ENTREP2: variants seen among roughly 807,000 people sequenced by gnomAD.
ENTREP2 encodes endosomal transmembrane epsin interactor 2, also known as protein ENTREP2.
chr15:29,213,850 A>T, the ENTREP2 span, among the ~76,000 whole-genome samples: 1 of 152,238 alleles, frequency 6.6e-6, no homozygotes, highest in Admixed American at 6.5e-5. Context: ...TTTACAAGAA[A>T]AAAACAACCC....
the ENTREP2 span, among the ~76,000 whole-genome samples, chr15:29,565,697 C>T: frequency 6.6e-6 from 1 of 152,140 alleles, no homozygotes; most frequent in African/African-American, 2.4e-5. Flanking sequence ...GGTGCGGTGG[C>T]TCACGCCTGT....
chr15:29,630,452 T>C, the ENTREP2 span, among the ~76,000 whole-genome samples: 1 of 152,176 alleles, frequency 6.6e-6, no homozygotes, highest in African/African-American at 2.4e-5. Context: ...TGTATCTTGA[T>C]GTGGATTCTT....
chr15:29,190,097 T>C, the ENTREP2 span, among the ~76,000 whole-genome samples: 1 of 152,152 alleles, frequency 6.6e-6, no homozygotes, highest in African/African-American at 2.4e-5. Flanking sequence ...GTCCCTGCCC[T>C]CCACCAGGAC....
chr15:29,252,403 C>T, the ENTREP2 span: 1 of 1,551,118 alleles, frequency 6.4e-7, no homozygotes, highest in Non-Finnish European at 8.7e-7. Context: ...ACTAGCTGAG[C>T]ATTCTGACAA....
At chr15:29,549,433 C>T in the ENTREP2 span, among the ~76,000 whole-genome samples, 2 of 152,084 alleles carry the variant, frequency 1.3e-5, no homozygotes. Flanking sequence ...CCACACCTGG[C>T]TAATTTTTTT....
the ENTREP2 span, among the ~76,000 whole-genome samples, chr15:29,210,716 C>T: frequency 1.3e-5 from 2 of 152,104 alleles, no homozygotes; most frequent in African/African-American, 4.8e-5. Context: ...GCCCTAGATC[C>T]CTCTGAGCTT....
chr15:29,120,454 G>C, the ENTREP2 span: 1 of 152,238 alleles, frequency 6.6e-6, no homozygotes, highest in Non-Finnish European at 1.5e-5. Context: ...CTGTGGCCTG[G>C]TGTGTTACAA....
chr15:29,522,832 C>T, the ENTREP2 span, among the ~76,000 whole-genome samples: 1 of 152,074 alleles, frequency 6.6e-6, no homozygotes, highest in South Asian at 2.1e-4. Flanking sequence ...TCTTTAGCCT[C>T]GGGGCATTTG....
chr15:29,391,431 G>A, the ENTREP2 span, among the ~76,000 whole-genome samples: 1 of 151,968 alleles, frequency 6.6e-6, no homozygotes, highest in African/African-American at 2.4e-5. Context: ...TTCTCAAGCA[G>A]AAGCAAAACT....
chr15:29,526,696 C>T, the ENTREP2 span, among the ~76,000 whole-genome samples: 1 of 151,894 alleles, frequency 6.6e-6, no homozygotes, highest in Non-Finnish European at 1.5e-5. Context: ...TCTCAAACTC[C>T]TGGGCCATAG....
At chr15:29,157,437 C>A in the ENTREP2 span, among the ~76,000 whole-genome samples, 2 of 152,218 alleles carry the variant, frequency 1.3e-5, no homozygotes, top group South Asian at 4.1e-4. Context: ...CAAAGATACA[C>A]CTCAGCATAG....
At chr15:29,326,021 G>A in the ENTREP2 span, among the ~76,000 whole-genome samples, 6 of 152,080 alleles carry the variant, frequency 3.9e-5, no homozygotes, top group South Asian at 2.1e-4. Context: ...AAATGCATCT[G>A]GCAAAATCTA....
At chr15:29,577,119 TA>T in the ENTREP2 span, among the ~76,000 whole-genome samples, 106 of 144,396 alleles carry the variant, frequency 7.3e-4, no homozygotes, top group East Asian at 1.0e-3. Context: ...CTATATTATT[TA>T]AAAAAAAAAA....
chr15:29,477,817 G>A, the ENTREP2 span, among the ~76,000 whole-genome samples: 7 of 151,772 alleles, frequency 4.6e-5, no homozygotes, highest in Non-Finnish European at 8.8e-5. Context: ...GCGTTCCCGA[G>A]GTGCACGTGG....
the ENTREP2 span, among the ~76,000 whole-genome samples, chr15:29,356,393 G>A: frequency 7.2e-6 from 1 of 139,348 alleles, no homozygotes; most frequent in Non-Finnish European, 1.5e-5. Flanking sequence ...TGCAGGCTCT[G>A]CCTCCTGGGT....
chr15:29,395,891 T>C, the ENTREP2 span, among the ~76,000 whole-genome samples: 2 of 152,308 alleles, frequency 1.3e-5, no homozygotes, highest in African/African-American at 2.4e-5. Context: ...CATGTTTTCA[T>C]GTGCTTATTA....
At chr15:29,387,545 G>C in the ENTREP2 span, among the ~76,000 whole-genome samples, 14 of 152,242 alleles carry the variant, frequency 9.2e-5, no homozygotes, top group Admixed American at 3.3e-4. Context: ...ACATAATGCC[G>C]AAGGTAATTT....
the ENTREP2 span, among the ~76,000 whole-genome samples, chr15:29,272,813 G>C: frequency 6.6e-6 from 1 of 152,184 alleles, no homozygotes; most frequent in African/African-American, 2.4e-5. Flanking sequence ...ATCCAGGGTA[G>C]GAGTTTTCAG....
the ENTREP2 span, among the ~76,000 whole-genome samples, chr15:29,300,183 GAT>G: frequency 6.7e-6 from 1 of 150,076 alleles, no homozygotes; most frequent in East Asian, 2.0e-4. Context: ...TGGATGGATG[GAT>G]GGATGGGTAG....
Sources: allele counts gnomAD v4.1 joint callset (sites outside exome capture counted in the v4.1 genomes callset), GRCh38; gene constraint gnomAD v4.1.1; transcripts MANE v1.5; gene names NCBI Gene and HGNC (gene_info 2026-07-23, HGNC 2026-07-21).